Variants in PTPRK observed in about 807,000 individuals in gnomAD.
The protein encoded by PTPRK is protein tyrosine phosphatase receptor type K, also known as receptor-type tyrosine-protein phosphatase kappa.
In PTPRK, 75 loss-of-function variants were observed where a neutral mutation model predicts 178.0. That is an observed-to-expected ratio of 0.42 (90% CI 0.35 to 0.51). The LOEUF (loss-of-function observed/expected upper bound fraction) is 0.51. Ranked by LOEUF, PTPRK falls within the 20% of genes least tolerant of loss-of-function variation. PTPRK has a pLI of 0.02. For missense variants in PTPRK, 1,441 were observed against 1,797.8 expected (o/e 0.80, Z 3.59); for synonymous variants, 637 against 620.6 (o/e 1.03, Z -0.39).
intron 1 of PTPRK, among the ~76,000 whole-genome samples, chr6:128,476,905 CTT>C (rs986724029): frequency 6.6e-6 from 1 of 151,168 alleles, no homozygotes; most frequent in African/African-American, 2.4e-5. Context: ...AAAAATCAAT[CTT>C]GAGAGTGAAA....
At chr6:128,254,680 AAAAATTTTAAGGCAAAATAT>A (rs1562876864) in intron 3 of PTPRK, among the ~76,000 whole-genome samples, 1 of 152,196 alleles carries the variant, frequency 6.6e-6, no homozygotes, top group Non-Finnish European at 1.5e-5. Flanking sequence ...GAATCTTGCT[AAAAATTTTAAGGCAAAATAT>A]TTTTATCTAG....
chr6:128,379,204 T>C (rs1837526011), intron 2 of PTPRK, among the ~76,000 whole-genome samples: 1 of 152,080 alleles, frequency 6.6e-6, no homozygotes, highest in Non-Finnish European at 1.5e-5. Context: ...GTTCTTCCTT[T>C]CTACTCTCTC....
intron 13 of PTPRK, among the ~76,000 whole-genome samples, chr6:128,030,687 G>A (rs540309605): frequency 6.6e-6 from 1 of 152,304 alleles, no homozygotes; most frequent in African/African-American, 2.4e-5. Flanking sequence ...TGATCAGATA[G>A]CAGCTGGATT....
chr6:128,434,875 A>G (rs1342754381), intron 1 of PTPRK, among the ~76,000 whole-genome samples: 1 of 152,060 alleles, frequency 6.6e-6, no homozygotes, highest in Non-Finnish European at 1.5e-5. Context: ...AAGAAAAAAA[A>G]AAGTTGAGCA....
At chr6:128,347,045 GA>G (rs781254402) in intron 2 of PTPRK, among the ~76,000 whole-genome samples, 1 of 152,054 alleles carries the variant, frequency 6.6e-6, no homozygotes, top group East Asian at 1.9e-4. Context: ...AAAAGAAAAG[GA>G]AAACCATTCT....
chr6:128,330,830 T>G (rs1015010612), intron 2 of PTPRK, among the ~76,000 whole-genome samples: 2 of 151,316 alleles, frequency 1.3e-5, no homozygotes, highest in Non-Finnish European at 2.9e-5. Flanking sequence ...ATGTTTCAGA[T>G]ACAATGGGCT....
intron 1 of PTPRK, among the ~76,000 whole-genome samples, chr6:128,462,270 T>C (rs895408949): frequency 6.6e-6 from 1 of 152,200 alleles, no homozygotes; most frequent in Non-Finnish European, 1.5e-5. Flanking sequence ...AAAAATATAA[T>C]TAAATCTACA....
intron 5 of PTPRK, among the ~76,000 whole-genome samples, chr6:128,225,513 A>T (rs187720572): frequency 8.5e-5 from 13 of 152,242 alleles, no homozygotes; most frequent in Admixed American, 2.6e-4. Flanking sequence ...ATTTGTATGA[A>T]TTTTTTTCAG....
At chr6:128,111,512 G>C (rs888404738) in intron 7 of PTPRK, among the ~76,000 whole-genome samples, 2 of 152,102 alleles carry the variant, frequency 1.3e-5, no homozygotes, top group African/African-American at 2.4e-5. Context: ...ACAAATGACA[G>C]TAAAAATTGC....
chr6:128,100,989 C>T (rs955962491), intron 7 of PTPRK, among the ~76,000 whole-genome samples: 13 of 152,032 alleles, frequency 8.6e-5, no homozygotes, highest in African/African-American at 3.1e-4. Context: ...CAGGAAATCA[C>T]AAAATGTTAA....
intron 1 of PTPRK, among the ~76,000 whole-genome samples, chr6:128,467,786 A>AAAT (rs1371083759): frequency 6.7e-6 from 1 of 149,848 alleles, no homozygotes; most frequent in Non-Finnish European, 1.5e-5. Flanking sequence ...TGTCCCATTA[A>AAAT]TCCTCTCATT....
intron 1 of PTPRK, among the ~76,000 whole-genome samples, chr6:128,499,875 T>C (rs545424135): frequency 6.6e-6 from 1 of 152,246 alleles, no homozygotes; most frequent in Non-Finnish European, 1.5e-5. Context: ...CTTAAGCTGG[T>C]TGCTACCTAC....
At chr6:128,264,848 T>C (rs1412485435) in intron 3 of PTPRK, among the ~76,000 whole-genome samples, 1 of 152,120 alleles carries the variant, frequency 6.6e-6, no homozygotes. Context: ...GTTCTTGTGA[T>C]AGTGAATAAA....
chr6:128,241,299 T>G (rs751149721), intron 4 of PTPRK: 18 of 533,244 alleles, frequency 3.4e-5, no homozygotes, highest in African/African-American at 2.7e-4. Flanking sequence ...ATTTACGAAC[T>G]CTAGACCAGC....
chr6:128,011,110 C>A (rs1288079914), intron 13 of PTPRK, among the ~76,000 whole-genome samples: 1 of 150,982 alleles, frequency 6.6e-6, no homozygotes, highest in Non-Finnish European at 1.5e-5. Flanking sequence ...ATGAAAAAAC[C>A]TAAAAGGAAC....
chr6:128,424,220 G>A (rs1184909099), intron 1 of PTPRK, among the ~76,000 whole-genome samples: 2 of 152,150 alleles, frequency 1.3e-5, no homozygotes, highest in African/African-American at 2.4e-5. Context: ...GTGATAGAGT[G>A]AGACCCTGTC....
At chr6:127,983,495 C>T in intron 22 of PTPRK, 118 bp from the exon 23 acceptor site, 1 of 1,058,970 alleles carries the variant, frequency 9.4e-7, no homozygotes. Flanking sequence ...AACTGCAAGG[C>T]ACAGCACTTG....
At chr6:128,050,316 T>C (rs565128342) in intron 13 of PTPRK, among the ~76,000 whole-genome samples, 1 of 152,324 alleles carries the variant, frequency 6.6e-6, no homozygotes, top group Admixed American at 6.5e-5. Flanking sequence ...ACACCTTCCT[T>C]GAGACGTATT....
At chr6:128,110,950 T>C (rs1790550082) in intron 7 of PTPRK, among the ~76,000 whole-genome samples, 1 of 152,166 alleles carries the variant, frequency 6.6e-6, no homozygotes, top group African/African-American at 2.4e-5. Flanking sequence ...TTCAGCAATC[T>C]TTTCAATTTA....
Sources: allele counts gnomAD v4.1 joint callset (sites outside exome capture counted in the v4.1 genomes callset), GRCh38; gene constraint gnomAD v4.1.1; transcripts MANE v1.5; gene names NCBI Gene and HGNC (gene_info 2026-07-23, HGNC 2026-07-21).